PNPLA6: variants seen among roughly 807,000 people sequenced by gnomAD.
PNPLA6 encodes patatin-like phospholipase domain-containing protein 6.
PNPLA6 carries 105 observed loss-of-function variants against 153.7 expected under a neutral mutation model. That is an observed-to-expected ratio of 0.68 (90% CI 0.58 to 0.80). The LOEUF (loss-of-function observed/expected upper bound fraction) is 0.80, where lower values mean the gene tolerates loss of function less well. Ranked by LOEUF, PNPLA6 falls within the 30% of genes least tolerant of loss-of-function variation. The probability of loss-of-function intolerance (pLI) is 0.00; values close to 1 mark genes in which losing one functional copy is unlikely to be tolerated. For synonymous variants in PNPLA6, 825 were observed against 822.2 expected (o/e 1.00, Z -0.06); for missense variants, 1,423 against 1,919.3 (o/e 0.74, Z 4.83).
At position 7,555,089 on chromosome 19, in the gene PNPLA6, C is replaced by T. The variant is rs752461935; in HGVS notation, c.2817+14C>T. On this transcript the variant is annotated intron_variant, in intron 22 of 31. Coordinates refer to ENST00000600737, the MANE Select transcript of PNPLA6 (RefSeq NM_001166114.2). This position sits in a 1 kb window ranked among gnomAD's most constrained non-coding sequence, Gnocchi z 6.3. Reference sequence around the variant, plus strand: ...CCTGCCAAGCTGGTGAGGAGCGGGCCGGCCCCCACCTTCTAGGGGCGTGGC... The same window carrying T: ...CCTGCCAAGCTGGTGAGGAGCGGGCTGGCCCCCACCTTCTAGGGGCGTGGC... The T allele has an allele frequency of 8.5e-5, 136 of 1,591,212 alleles. No homozygotes were observed. The highest frequency in any genetic ancestry group is 9.9e-5 in the Non-Finnish European group (117 of 1,176,884).
At chr19:7,552,078 C>A (rs1308463709) in intron 18 of PNPLA6, among the ~76,000 whole-genome samples, 1 of 152,136 alleles carries the variant, frequency 6.6e-6, no homozygotes, top group Non-Finnish European at 1.5e-5. Flanking sequence ...CCACTGTACT[C>A]CAGCCGGGAT....
chr19:7,560,741 C>A lies in PNPLA6; in HGVS notation c.3793C>A (p.Leu1265Ile). Residue 1265 changes from leucine to isoleucine, a missense_variant, in exon 29 of 32, where the codon CTT (leucine) becomes ATT (isoleucine). Coordinates refer to ENST00000600737, the MANE Select transcript of PNPLA6 (RefSeq NM_001166114.2). ...GCTCACAGACCGGCGGTCTACAGAC[C>A]TTAATGAGAGCCGCCGTGCAGACGT... The part of the protein sequence containing the change: ...KMLTDRRSTD[L>I]NESRRADVLA... The A allele has an allele frequency of 6.2e-7, 1 of 1,611,504 alleles. No individual in the cohort carries two copies. The highest frequency in any genetic ancestry group is 1.7e-4 in the Middle Eastern group (1 of 6,058).
Position 7,540,506 on chromosome 19 carries a change from G to T in PNPLA6, c.715-124G>T. ...AACGATGGGAGATGCCTGCTCGTTG[G>T]AAGGGTTGGTGGGTTCCCCTGAGAA... On this transcript the variant is annotated intron_variant, in intron 5 of 31. Coordinates refer to ENST00000600737, the MANE Select transcript of PNPLA6 (RefSeq NM_001166114.2). This position sits in a 1 kb window ranked among gnomAD's most constrained non-coding sequence, Gnocchi z 6.8. 9.8e-7 allele frequency: 1 copy of T among 1,019,032 alleles called. No individual in the cohort carries two copies. 63.1% of individuals were successfully genotyped at this position (1,019,032 alleles called of 1,614,324 possible). A position where few individuals can be genotyped will look rare whatever the true frequency, so the allele number is the denominator to read the frequency against.
Position 7,542,946 on chromosome 19 carries a change from G to A in PNPLA6, c.1530+18G>A, listed in dbSNP as rs1464823174. 1 of 1,613,830 alleles carries A rather than the reference G, an allele frequency of 6.2e-7. No individual in the cohort carries two copies. Among genetic ancestry groups the A allele is most frequent in the Non-Finnish European group, 8.5e-7 (1 of 1,179,978 alleles). Reference sequence around the variant, plus strand: ...GGATTGAGGTGGGCAGCCGAGGGGAGCTGGGCACAGGGCGCAAGGGAGGCC... The same window carrying A: ...GGATTGAGGTGGGCAGCCGAGGGGAACTGGGCACAGGGCGCAAGGGAGGCC... On this transcript the variant is annotated intron_variant, in intron 12 of 31. Transcript: ENST00000600737.
rs764509267 is a variant in PNPLA6, at chr19:7,541,996, A to G, written c.1181A>G (p.Lys394Arg). The change falls in exon 10 of 32, where the codon AAG (lysine) becomes AGG (arginine). Residue 394 changes from lysine to arginine, a missense_variant. Coordinates refer to ENST00000600737, the MANE Select transcript of PNPLA6 (RefSeq NM_001166114.2). The surrounding 1 kb of genome is among the most constrained non-coding windows in gnomAD (Gnocchi z 5.2). ...PLPGPTGDPV[K>R]PTSLETPSAP... ...GTGTCTCCCCCAGGGGACCCTGTGA[A>G]GCCCACATCCCTGGAAACCCCCTCG... 6 of 1,608,238 alleles carry G rather than the reference A, an allele frequency of 3.7e-6. No homozygotes were observed. In the Admixed American group the frequency reaches 8.3e-5, roughly 22 times the overall value.
chr19:7,559,758 C>T (rs182181629), intron 28 of PNPLA6, among the ~76,000 whole-genome samples: 7 of 151,820 alleles, frequency 4.6e-5, no homozygotes, highest in South Asian at 2.1e-4. Flanking sequence ...GTGGGAGGAC[C>T]GCTCGAGCCC....
chr19:7,535,487 C>T (rs2022808586), upstream of PNPLA6: 15 of 1,538,730 alleles, frequency 9.7e-6, no homozygotes, highest in African/African-American at 1.4e-5. The surrounding 1 kb of genome is among the most constrained non-coding windows in gnomAD (Gnocchi z 5.0). Flanking sequence ...GCACGGGTTC[C>T]TTCGACTCCT....
chr19:7,559,866 A>G (rs1302035527), intron 28 of PNPLA6, among the ~76,000 whole-genome samples: 3 of 150,416 alleles, frequency 2.0e-5, no homozygotes, highest in African/African-American at 7.3e-5. Context: ...AGGGCCAGGC[A>G]TGGTGGCTCA....
At chr19:7,542,493 C>A in intron 10 of PNPLA6, 68 bp from the exon 11 acceptor site, 1 of 1,217,730 alleles carries the variant, frequency 8.2e-7, no homozygotes, top group Non-Finnish European at 1.2e-6. Context: ...CACCACTACA[C>A]CTGGCTCATT....
rs369470042 is a variant in PNPLA6 at position 7,556,684 on chromosome 19, C to A, written c.3240C>A (p.Thr1080=). Residue 1080 remains threonine, a synonymous_variant, in exon 26 of 32, where the codon ACC becomes ACA. Coordinates refer to ENST00000600737, the MANE Select transcript of PNPLA6 (RefSeq NM_001166114.2). The stretch of plus-strand genomic sequence containing the variant: ...TGTGGCTGCCTTACTTCAACGTGAC[C>A]ACAGATATCACCGCCTCAGCCATGC... The part of the protein sequence containing the change: ...EDLWLPYFNV[T]TDITASAMRV... 1 of 1,613,682 alleles carries A rather than the reference C, an allele frequency of 6.2e-7. No individual in the cohort carries two copies. Among genetic ancestry groups the A allele is most frequent in the African/African-American group, 1.3e-5 (1 of 74,874 alleles).
chr19:7,555,237 C>G lies in PNPLA6; in HGVS notation c.2818-12C>G, dbSNP rs765763340. On this transcript the variant is annotated splice_polypyrimidine_tract_variant and intron_variant, in intron 22 of 31. Transcript: ENST00000600737. The surrounding 1 kb of genome is among the most constrained non-coding windows in gnomAD (Gnocchi z 6.3). The stretch of plus-strand genomic sequence containing the variant: ...TCATGCTCCTGGGTCGCGACTATCT[C>G]CCCCATCCCAGCATGAGCTCTACGA... 5 of 1,586,518 alleles carry G rather than the reference C, an allele frequency of 3.2e-6. No homozygotes were observed. The highest frequency in any genetic ancestry group is 4.3e-6 in the Non-Finnish European group (5 of 1,163,410).
upstream of PNPLA6, chr19:7,534,364 C>T (rs777457449): frequency 5.7e-6 from 1 of 176,612 alleles, no homozygotes; most frequent in Non-Finnish European, 1.2e-5. Context: ...TCCCATACCC[C>T]CCACGTCTCG....
At position 7,556,650 on chromosome 19, in the gene PNPLA6, C is replaced by G; in HGVS notation, c.3211-5C>G. 1 of 1,612,792 alleles carries G rather than the reference C, an allele frequency of 6.2e-7. No homozygotes were observed. The highest frequency in any genetic ancestry group is 8.5e-7 in the Non-Finnish European group (1 of 1,178,832). ...CCTCCCCCACCTCGATCCCTGTCCCCGCAGGACCTGTGGCTGCCTTACTTC... is the reference window on the plus strand; with the variant it reads ...CCTCCCCCACCTCGATCCCTGTCCCGGCAGGACCTGTGGCTGCCTTACTTC... On this transcript the variant is annotated splice_region_variant and splice_polypyrimidine_tract_variant and intron_variant, in intron 25 of 31. Coordinates refer to ENST00000600737, the MANE Select transcript of PNPLA6 (RefSeq NM_001166114.2).
intron 1 of PNPLA6, 26 bp from the exon 2 acceptor site, chr19:7,536,165 G>C (rs1039329793): frequency 6.5e-7 from 1 of 1,548,008 alleles, no homozygotes. Flanking sequence ...AGAGCTCGGA[G>C]TGCCCCTGTC....
chr19:7,541,323 A>G lies in PNPLA6; in HGVS notation c.925-31A>G, dbSNP rs766228626. The G allele has an allele frequency of 5.6e-6, 9 of 1,598,606 alleles. No homozygotes were observed. The highest frequency in any genetic ancestry group is 7.7e-6 in the Non-Finnish European group (9 of 1,168,394). Reference sequence around the variant, plus strand: ...CTGGCCCTGCCCCTTACCCCGCCCCATCTTATGGCCACGCCCCTCGAGCCC... The same window carrying G: ...CTGGCCCTGCCCCTTACCCCGCCCCGTCTTATGGCCACGCCCCTCGAGCCC... On this transcript the variant is annotated intron_variant, in intron 7 of 31. Coordinates refer to ENST00000600737, the MANE Select transcript of PNPLA6 (RefSeq NM_001166114.2). The surrounding 1 kb of genome is among the most constrained non-coding windows in gnomAD (Gnocchi z 5.2).
Position 7,561,477 on chromosome 19 carries a change from T to G in PNPLA6, c.4024-11T>G, listed in dbSNP as rs752929790. 59 of 1,601,342 alleles carry G rather than the reference T, an allele frequency of 3.7e-5. No individual in the cohort carries two copies. In the Admixed American group the frequency reaches 9.6e-4, roughly 26 times the overall value. ...CGTGCTGGGTGACGTGTGTGTGACC[T>G]TCCCTCGCAGGAGGAGGAGAAGTCG... On this transcript the variant is annotated splice_polypyrimidine_tract_variant and intron_variant, in intron 31 of 31. Transcript: ENST00000600737.
chr19:7,559,224 G>C, intron 28 of PNPLA6, 73 bp downstream of exon 28: 1 of 1,298,952 alleles, frequency 7.7e-7, no homozygotes. Context: ...GCCCAGAGTG[G>C]TATGAGGGGG....
intron 3 of PNPLA6, among the ~76,000 whole-genome samples, chr19:7,539,427 C>T (rs1334012337): frequency 2.0e-5 from 3 of 150,384 alleles, no homozygotes; most frequent in Non-Finnish European, 3.0e-5. Context: ...TGCAGTGGGC[C>T]GAGATTTCGC....
In PNPLA6 at chr19:7,545,079, C is replaced by T. The variant is rs558081738; in HGVS notation, c.1608+1995C>T. Among the ~76,000 whole-genome samples the T allele has an allele frequency of 7.9e-5, 12 of 151,724 alleles. No individual in the cohort carries two copies. In the East Asian group the frequency reaches 1.9e-3, roughly 25 times the overall value. ...TCTTGCTCTGTCGCCCAGGCTGGAG[C>T]GCAGCGGTGCGATCTTGGCTCACTG... On this transcript the variant is annotated intron_variant, in intron 13 of 31. Coordinates refer to ENST00000600737, the MANE Select transcript of PNPLA6 (RefSeq NM_001166114.2).
Sources: allele counts gnomAD v4.1 joint callset (sites outside exome capture counted in the v4.1 genomes callset), GRCh38; gene constraint gnomAD v4.1.1; non-coding constraint Gnocchi (gnomAD v3.1); transcripts MANE v1.5; gene names NCBI Gene and HGNC (gene_info 2026-07-23, HGNC 2026-07-21).